Variants in ZFAND3 observed in about 807,000 individuals in gnomAD.
ZFAND3 encodes the protein zinc finger AN1-type containing 3.
Under a neutral mutation model 29.6 loss-of-function variants are expected in ZFAND3, and 10 were observed. That is an observed-to-expected ratio of 0.34 (90% CI 0.21 to 0.57). The LOEUF is 0.57. Among genes scored for constraint, ZFAND3 ranks in the 20% least tolerant of loss-of-function variants. The pLI is 0.86. For synonymous variants in ZFAND3, 128 were observed against 112.6 expected (o/e 1.14, Z -0.87); for missense variants, 230 against 304.5 (o/e 0.76, Z 1.82).
chr6:38,152,224 C>A lies in ZFAND3; in HGVS notation c.530-11C>A. 6.7e-7 allele frequency: 1 copy of A among 1,495,810 alleles called. No homozygotes were observed. The highest frequency in any genetic ancestry group is 2.5e-5 in the East Asian group (1 of 40,566). 92.7% of individuals were successfully genotyped at this position (1,495,810 alleles called of 1,614,324 possible). ...AACACACTCTTTCCTCTGCTTCTCCCGCTGCTGCAGGTTATGTGTTCTGTA... is the reference window on the plus strand; with the variant it reads ...AACACACTCTTTCCTCTGCTTCTCCAGCTGCTGCAGGTTATGTGTTCTGTA... On this transcript the variant is annotated splice_polypyrimidine_tract_variant and intron_variant, in intron 5 of 5. Transcript: ENST00000287218.
At chr6:37,878,274 T>G (rs1764830618) in intron 1 of ZFAND3, among the ~76,000 whole-genome samples, 1 of 152,116 alleles carries the variant, frequency 6.6e-6, no homozygotes, top group Admixed American at 6.5e-5. Flanking sequence ...AGAGACAGAT[T>G]GAGGGCAGAT....
chr6:37,848,845 T>C (rs1764230192), intron 1 of ZFAND3, among the ~76,000 whole-genome samples: 1 of 152,212 alleles, frequency 6.6e-6, no homozygotes, highest in South Asian at 2.1e-4. Context: ...GGTATTATAA[T>C]GATGCTGAAG....
At chr6:38,064,026 T>C (rs34038972) in intron 3 of ZFAND3, among the ~76,000 whole-genome samples, 11,531 of 152,240 alleles carry the variant, frequency 0.076, 518 homozygotes, top group African/African-American at 0.13. Context: ...AAAAATCTTT[T>C]CAAGATCATG....
At chr6:37,873,709 AAC>A (rs1016083218) in intron 1 of ZFAND3, among the ~76,000 whole-genome samples, 3 of 152,232 alleles carry the variant, frequency 2.0e-5, no homozygotes, top group African/African-American at 7.2e-5. Flanking sequence ...GATGTTTTGT[AAC>A]ACAGTAGTTT....
chr6:37,955,868 TGG>T (rs35021845), intron 2 of ZFAND3, among the ~76,000 whole-genome samples: 1 of 152,176 alleles, frequency 6.6e-6, no homozygotes, highest in Non-Finnish European at 1.5e-5. Context: ...GGGTTCTTGA[TGG>T]GAATCATATG....
intron 1 of ZFAND3, among the ~76,000 whole-genome samples, chr6:37,924,245 G>C (rs1283153997): frequency 1.4e-5 from 2 of 148,096 alleles, no homozygotes; most frequent in African/African-American, 4.9e-5. Context: ...CACAGGAATT[G>C]TGGAGAACCT....
chr6:37,894,514 G>T (rs187213510), intron 1 of ZFAND3, among the ~76,000 whole-genome samples: 159 of 151,882 alleles, frequency 1.0e-3, no homozygotes, highest in African/African-American at 3.4e-3. Flanking sequence ...GGACTTAACC[G>T]GTGTGTGCCT....
At chr6:37,912,637 G>T (rs1358046475) in intron 1 of ZFAND3, among the ~76,000 whole-genome samples, 1 of 152,146 alleles carries the variant, frequency 6.6e-6, no homozygotes, top group African/African-American at 2.4e-5. Context: ...TCATTGATAA[G>T]AAGTCATATA....
intron 4 of ZFAND3, among the ~76,000 whole-genome samples, chr6:38,110,889 G>A (rs1006031109): frequency 2.6e-5 from 4 of 152,212 alleles, no homozygotes; most frequent in African/African-American, 7.2e-5. Flanking sequence ...GTTAGTGCAC[G>A]GGGTGTGTGC....
intron 1 of ZFAND3, among the ~76,000 whole-genome samples, chr6:37,921,196 G>A (rs1295197987): frequency 6.6e-6 from 1 of 152,042 alleles, no homozygotes; most frequent in Non-Finnish European, 1.5e-5. Context: ...TTTACAGATT[G>A]TGTTTTTACA....
chr6:38,018,080 A>T (rs1349780413), intron 2 of ZFAND3, among the ~76,000 whole-genome samples: 1 of 152,224 alleles, frequency 6.6e-6, no homozygotes, highest in Non-Finnish European at 1.5e-5. Context: ...ATCTTAATAT[A>T]ATATGAGTTT....
At chr6:38,119,575 A>G (rs1035249306) in intron 5 of ZFAND3, among the ~76,000 whole-genome samples, 14 of 152,202 alleles carry the variant, frequency 9.2e-5, no homozygotes, top group African/African-American at 3.4e-4. Flanking sequence ...GCCTTTTTGT[A>G]GCATTCGATG....
In ZFAND3 at chr6:38,000,777, A is replaced by G. The variant is rs576629109; in HGVS notation, c.113-60816A>G. Among the ~76,000 whole-genome samples the G allele has an allele frequency of 9.2e-5, 14 of 152,344 alleles. No individual in the cohort carries two copies. The South Asian group carries it at 1.2e-3, about 14-fold the overall frequency. On this transcript the variant is annotated intron_variant, in intron 2 of 5. Coordinates refer to ENST00000287218, the MANE Select transcript of ZFAND3 (RefSeq NM_021943.3). ...GAAAAGACTAAAAGACAAAAAGAAA[A>G]GATATCAGACCAACAGCCATAACTC...
intron 5 of ZFAND3, among the ~76,000 whole-genome samples, chr6:38,145,135 G>A (rs563977938): frequency 6.6e-6 from 1 of 152,122 alleles, no homozygotes; most frequent in Non-Finnish European, 1.5e-5. Context: ...CTGCCCTCCA[G>A]CTCCTGCTCC....
intron 5 of ZFAND3, among the ~76,000 whole-genome samples, chr6:38,121,435 A>G (rs1023418060): frequency 2.0e-5 from 3 of 152,204 alleles, no homozygotes; most frequent in East Asian, 1.9e-4. Context: ...GAGCATCACA[A>G]TTTACCTGGA....
chr6:37,937,834 A>G (rs928569219), intron 2 of ZFAND3, among the ~76,000 whole-genome samples: 2 of 152,156 alleles, frequency 1.3e-5, no homozygotes, highest in Admixed American at 6.5e-5. Context: ...CATTTTGGTC[A>G]TGTGTTTGTT....
chr6:37,907,279 T>A lies in ZFAND3; in HGVS notation c.72-22680T>A, dbSNP rs1048617786. ...CCATAAAATACACCCATTCTAACTGTACGTAGTTCAGTGATTTTTAGTCAA... is the reference window on the plus strand; with the variant it reads ...CCATAAAATACACCCATTCTAACTGAACGTAGTTCAGTGATTTTTAGTCAA... On this transcript the variant is annotated intron_variant, in intron 1 of 5. Transcript: ENST00000287218. Among the ~76,000 whole-genome samples, 11 of 152,308 alleles carry A rather than the reference T, an allele frequency of 7.2e-5. 1 individual carries two copies. Among genetic ancestry groups the A allele is most frequent in the Admixed American group, 3.3e-4 (5 of 15,294 alleles).
chr6:37,886,121 C>T (rs926835081), intron 1 of ZFAND3, among the ~76,000 whole-genome samples: 1 of 151,422 alleles, frequency 6.6e-6, no homozygotes. Flanking sequence ...GCCTGTAGTC[C>T]CAGCTATTCA....
chr6:38,120,471 G>A (rs778878535), intron 5 of ZFAND3, among the ~76,000 whole-genome samples: 9 of 151,682 alleles, frequency 5.9e-5, no homozygotes, highest in Non-Finnish European at 1.3e-4. Flanking sequence ...GACTACAGGT[G>A]CACACCTCCA....
Sources: gnomAD v4.1 joint callset for allele counts (sites outside exome capture counted in the v4.1 genomes callset) on GRCh38, gnomAD v4.1.1 for gene constraint, MANE v1.5 for transcripts, NCBI Gene and HGNC (gene_info 2026-07-23, HGNC 2026-07-21) for gene names.